Variants in CACNA1C observed in about 807,000 individuals in gnomAD.
CACNA1C encodes voltage-dependent L-type calcium channel subunit alpha-1C.
A neutral mutation model predicts 229.0 loss-of-function variants in CACNA1C; 30 were observed. The ratio of observed to expected loss-of-function variants is 0.13; its 90% CI spans 0.10 to 0.18. The LOEUF (loss-of-function observed/expected upper bound fraction) is 0.18. Ranked by LOEUF, CACNA1C falls within the 10% of genes least tolerant of loss-of-function variation. CACNA1C has a pLI of 1.00. For synonymous variants in CACNA1C, 1,114 were observed against 1,132.5 expected (o/e 0.98, Z 0.33); for missense variants, 1,658 against 2,845.0 (o/e 0.58, Z 9.49).
At chr12:2,523,642 G>A (rs970132187) in intron 9 of CACNA1C, among the ~76,000 whole-genome samples, 6 of 152,192 alleles carry the variant, frequency 3.9e-5, no homozygotes, top group Admixed American at 1.3e-4. Context: ...CTAAAGCCAC[G>A]GGTCGCTTTA....
rs763256003 is a variant in CACNA1C at position 2,585,350 on chromosome 12, AT to A, written c.2340-19del. The A allele has an allele frequency of 1.4e-5, 22 of 1,605,642 alleles. No homozygotes were observed. The highest frequency in any genetic ancestry group is 2.2e-5 in the South Asian group (2 of 89,096). ...CTATCACTCCAGTAAACAGCCATTT[AT>A]TTTTTTCTGCTGCTGACTGGCCAGG... On this transcript the variant is annotated intron_variant, in intron 16 of 46. Coordinates refer to ENST00000399655, the MANE Select transcript of CACNA1C (RefSeq NM_000719.7). This position sits in a 1 kb window ranked among gnomAD's most constrained non-coding sequence, Gnocchi z 4.1.
intron 3 of CACNA1C, among the ~76,000 whole-genome samples, chr12:2,277,293 T>C (rs1157500969): frequency 6.6e-6 from 1 of 151,414 alleles, no homozygotes; most frequent in Non-Finnish European, 1.5e-5. Flanking sequence ...ACTCATGTCC[T>C]GGAAATGTCT....
chr12:2,189,821 C>A (rs1051119193), intron 3 of CACNA1C, among the ~76,000 whole-genome samples: 3 of 151,968 alleles, frequency 2.0e-5, no homozygotes, highest in African/African-American at 4.8e-5. Context: ...AAAAAACTCA[C>A]AAAAGTACTT....
At chr12:2,517,868 G>A (rs1391177175) in intron 9 of CACNA1C, among the ~76,000 whole-genome samples, 1 of 152,178 alleles carries the variant, frequency 6.6e-6, no homozygotes, top group Admixed American at 6.5e-5. Context: ...TCTTCAAGAT[G>A]AAAAAACACA....
intron 1 of CACNA1C, among the ~76,000 whole-genome samples, chr12:2,102,020 A>G (rs1378378120): frequency 6.6e-6 from 1 of 152,230 alleles, no homozygotes; most frequent in Non-Finnish European, 1.5e-5. Context: ...GGTAGTGTGC[A>G]CATACCACAC....
At position 2,477,964 on chromosome 12, in the gene CACNA1C, G is replaced by A. The variant is rs146943479; in HGVS notation, c.758-8140G>A. Among the ~76,000 whole-genome samples, 1,325 of 152,090 alleles carry A rather than the reference G, an allele frequency of 8.7e-3. 5 individuals carry two copies. Among genetic ancestry groups the A allele is most frequent in the Middle Eastern group, 0.014 (4 of 294 alleles). On this transcript the variant is annotated intron_variant, in intron 5 of 46. Coordinates refer to ENST00000399655, the MANE Select transcript of CACNA1C (RefSeq NM_000719.7). ...AAGCATGTCTTGAACTCAGAAGAGA[G>A]GACAAAGAAAATAAATGTAAGTACA...
chr12:2,048,941 G>A (rs902918387), upstream of CACNA1C, among the ~76,000 whole-genome samples: 3 of 152,202 alleles, frequency 2.0e-5, no homozygotes, highest in African/African-American at 7.2e-5. Flanking sequence ...ACCTGCCCCA[G>A]ATTGAGGATA....
chr12:2,589,188 G>A (rs2063962644), intron 18 of CACNA1C, among the ~76,000 whole-genome samples: 1 of 152,212 alleles, frequency 6.6e-6, no homozygotes, highest in Non-Finnish European at 1.5e-5. Flanking sequence ...CTTGTTGTGG[G>A]CAAACAGGGA....
intron 3 of CACNA1C, among the ~76,000 whole-genome samples, chr12:2,208,831 G>T (rs1444566369): frequency 2.0e-5 from 3 of 152,194 alleles, no homozygotes; most frequent in Non-Finnish European, 4.4e-5. Context: ...CTTGGAGGGT[G>T]TTCCACCTGG....
At chr12:2,002,925 A>G (rs2042515743) in intron 1 of CACNA1C, among the ~76,000 whole-genome samples, 1 of 152,154 alleles carries the variant, frequency 6.6e-6, no homozygotes, top group Non-Finnish European at 1.5e-5. Flanking sequence ...AAACAAACAA[A>G]AAAAGTAGGT....
chr12:2,509,430 C>T (rs1482698888), intron 8 of CACNA1C, among the ~76,000 whole-genome samples: 6 of 152,162 alleles, frequency 3.9e-5, no homozygotes, highest in African/African-American at 1.4e-4. Context: ...TCCTGAGGAA[C>T]TACAGAGTTG....
At chr12:2,276,796 G>C (rs1329813668) in intron 3 of CACNA1C, among the ~76,000 whole-genome samples, 1 of 152,172 alleles carries the variant, frequency 6.6e-6, no homozygotes, top group East Asian at 1.9e-4. Context: ...GGCAAGTTCA[G>C]CTGGAGTGCA....
chr12:2,272,531 G>T (rs772972233), intron 3 of CACNA1C, among the ~76,000 whole-genome samples: 2 of 152,202 alleles, frequency 1.3e-5, no homozygotes, highest in Non-Finnish European at 2.9e-5. Flanking sequence ...CTGTGGATTT[G>T]CCTGTAAATT....
chr12:1,996,660 A>C (rs2040984684), intron 1 of CACNA1C, among the ~76,000 whole-genome samples: 1 of 66,626 alleles, frequency 1.5e-5, no homozygotes, highest in East Asian at 5.1e-4. Flanking sequence ...AAAAAACAAC[A>C]AACTCTTCTA....
At chr12:2,100,779 G>C (rs559160798) in intron 1 of CACNA1C, among the ~76,000 whole-genome samples, 2 of 150,866 alleles carry the variant, frequency 1.3e-5, no homozygotes, top group African/African-American at 4.9e-5. Flanking sequence ...AAGGTCGGGG[G>C]CAGTGGCTCA....
chr12:2,068,866 A>G (rs563939132), intron 1 of CACNA1C, among the ~76,000 whole-genome samples: 68 of 152,184 alleles, frequency 4.5e-4, no homozygotes, highest in African/African-American at 1.6e-3. Flanking sequence ...AGGCTTTGGG[A>G]TTTTTCCTTT....
chr12:2,636,795 A>G (rs938601090), intron 30 of CACNA1C, among the ~76,000 whole-genome samples: 1 of 152,198 alleles, frequency 6.6e-6, no homozygotes, highest in Non-Finnish European at 1.5e-5. Context: ...TGATATCTTA[A>G]ATAAGCACAG....
In CACNA1C at chr12:2,467,865, C is replaced by T. The variant is rs935814874; in HGVS notation, c.757+10159C>T. On this transcript the variant is annotated intron_variant, in intron 5 of 46. Transcript: ENST00000399655. The surrounding 1 kb of genome is among the most constrained non-coding windows in gnomAD (Gnocchi z 4.6). ...CCCACTCAGAGTCCCGACCCTGCTG[C>T]GACTTCTCTGTTGCCCTGCCAGGTG... is the stretch of plus-strand genomic sequence containing the variant. Among the ~76,000 whole-genome samples, 4 of 152,222 alleles carry T rather than the reference C, an allele frequency of 2.6e-5. No individual in the cohort carries two copies. The highest frequency in any genetic ancestry group is 5.9e-5 in the Non-Finnish European group (4 of 68,036).
rs982311438 is a variant in CACNA1C, at chr12:2,697,944, A to G, written c.*6745A>G. ...AGAATTGCAAATAAATTTCTTAACA[A>G]TGTCTACATTGACTTCATTGTATCT... On this transcript the variant is annotated 3_prime_UTR_variant, in exon 47 of 47. Coordinates refer to ENST00000399655, the MANE Select transcript of CACNA1C (RefSeq NM_000719.7). 3 of 152,652 alleles carry G rather than the reference A, an allele frequency of 2.0e-5. No individual in the cohort carries two copies. The highest frequency in any genetic ancestry group is 7.2e-5 in the African/African-American group (3 of 41,450). 9.5% of individuals were successfully genotyped at this position (152,652 alleles called of 1,614,324 possible). A position where few individuals can be genotyped will look rare whatever the true frequency, so the allele number is the denominator to read the frequency against.
Sources: allele counts gnomAD v4.1 joint callset (sites outside exome capture counted in the v4.1 genomes callset), GRCh38; gene constraint gnomAD v4.1.1; non-coding constraint Gnocchi (gnomAD v3.1); transcripts MANE v1.5; gene names NCBI Gene and HGNC (gene_info 2026-07-23, HGNC 2026-07-21).